Variants in SH3BGRL2 observed in about 807,000 individuals in gnomAD.
SH3BGRL2 encodes SH3 domain binding glutamate rich protein like 2, also known as SH3 domain-binding glutamic acid-rich-like protein 2.
Under a neutral mutation model 14.8 loss-of-function variants are expected in SH3BGRL2, and 21 were observed. That is an observed-to-expected ratio of 1.42 (90% CI 1.01 to 2.05). The LOEUF is 2.05. SH3BGRL2 is among the 30% of genes most tolerant of loss of function. The pLI is 0.00. For missense variants in SH3BGRL2, 147 were observed against 130.8 expected, an observed-to-expected ratio of 1.12 and a Z score of -0.61; for synonymous variants, 50 against 47.8, an observed-to-expected ratio of 1.05 and a Z score of -0.19.
the SH3BGRL2 span, among the ~76,000 whole-genome samples, chr6:79,550,362 A>G: frequency 5.3e-5 from 8 of 152,176 alleles, no homozygotes; most frequent in Non-Finnish European, 1.2e-4. Context: ...ACTGCAATGG[A>G]AAGTTTGACC....
At chr6:79,545,280 G>A in the SH3BGRL2 span, among the ~76,000 whole-genome samples, 2 of 152,128 alleles carry the variant, frequency 1.3e-5, no homozygotes, top group African/African-American at 4.8e-5. Context: ...GATGTCAGAT[G>A]CCCGTACTTC....
chr6:79,546,862 A>G, the SH3BGRL2 span, among the ~76,000 whole-genome samples: 2 of 151,786 alleles, frequency 1.3e-5, no homozygotes, highest in African/African-American at 4.8e-5. Flanking sequence ...TTGTATTTTT[A>G]GTAGAGACGG....
the SH3BGRL2 span, among the ~76,000 whole-genome samples, chr6:79,578,678 C>T: frequency 6.6e-6 from 1 of 152,188 alleles, no homozygotes; most frequent in African/African-American, 2.4e-5. Context: ...GTTGATAAAA[C>T]CACAGAGATG....
chr6:79,569,446 A>G, the SH3BGRL2 span, among the ~76,000 whole-genome samples: 3 of 152,242 alleles, frequency 2.0e-5, no homozygotes, highest in African/African-American at 7.2e-5. Context: ...CCCAAGAGAC[A>G]GCTTTGCAAG....
chr6:79,645,392 T>A (rs954992481), intron 1 of SH3BGRL2, among the ~76,000 whole-genome samples: 9 of 152,188 alleles, frequency 5.9e-5, no homozygotes, highest in Non-Finnish European at 8.8e-5. Context: ...TCTTAAGACA[T>A]CTGAAGATTA....
chr6:79,585,060 A>AG, the SH3BGRL2 span, among the ~76,000 whole-genome samples: 1 of 151,868 alleles, frequency 6.6e-6, no homozygotes, highest in East Asian at 1.9e-4. Context: ...TTTTTAAAAA[A>AG]AAAAATCTAA....
Position 79,663,558 on chromosome 6 carries a change from C to T in SH3BGRL2, c.46-10056C>T, listed in dbSNP as rs558469001. ...GGAAGCGTCGTCCCAGAGGGGCACC[C>T]GCCTGTATGAGGTGTCAGTCGGCCC... is the stretch of plus-strand genomic sequence containing the variant. On this transcript the variant is annotated intron_variant, in intron 1 of 3. Coordinates refer to ENST00000369838, the MANE Select transcript of SH3BGRL2 (RefSeq NM_031469.4). Among the ~76,000 whole-genome samples the T allele has an allele frequency of 7.2e-5, 11 of 152,282 alleles. 1 individual carries two copies. In the South Asian group the frequency reaches 2.3e-3, roughly 32 times the overall value.
At chr6:79,544,490 AT>A in the SH3BGRL2 span, among the ~76,000 whole-genome samples, 3 of 152,232 alleles carry the variant, frequency 2.0e-5, no homozygotes, top group Non-Finnish European at 4.4e-5. Flanking sequence ...GTAGCTCAAA[AT>A]CAACCACGGT....
chr6:79,581,308 A>T, the SH3BGRL2 span, among the ~76,000 whole-genome samples: 1 of 152,226 alleles, frequency 6.6e-6, no homozygotes, highest in Admixed American at 6.5e-5. Flanking sequence ...CATCATCCTG[A>T]TACCAAAGCC....
At chr6:79,656,895 C>CCTGCA (rs1769430188) in intron 1 of SH3BGRL2, among the ~76,000 whole-genome samples, 1 of 152,092 alleles carries the variant, frequency 6.6e-6, no homozygotes, top group Non-Finnish European at 1.5e-5. Flanking sequence ...ACACACTGAA[C>CCTGCA]CTGCAGTAAC....
chr6:79,691,283 G>T (rs1320590701), intron 2 of SH3BGRL2, among the ~76,000 whole-genome samples: 1 of 152,112 alleles, frequency 6.6e-6, no homozygotes, highest in Non-Finnish European at 1.5e-5. Context: ...CAAAGGAAAG[G>T]ATTTAAGCAG....
At chr6:79,593,986 C>T in the SH3BGRL2 span, among the ~76,000 whole-genome samples, 11 of 148,674 alleles carry the variant, frequency 7.4e-5, no homozygotes, top group Non-Finnish European at 1.6e-4. Flanking sequence ...GATAGTGCCA[C>T]TGCACTCCAG....
At chr6:79,580,202 G>T in the SH3BGRL2 span, among the ~76,000 whole-genome samples, 1 of 152,160 alleles carries the variant, frequency 6.6e-6, no homozygotes, top group Non-Finnish European at 1.5e-5. Flanking sequence ...AATAATGGGA[G>T]ACTTTAACAC....
At chr6:79,580,457 G>A in the SH3BGRL2 span, among the ~76,000 whole-genome samples, 2 of 152,164 alleles carry the variant, frequency 1.3e-5, no homozygotes, top group Non-Finnish European at 2.9e-5. Context: ...AGACCACAGA[G>A]CAATCAAAGT....
At chr6:79,599,240 T>C in the SH3BGRL2 span, among the ~76,000 whole-genome samples, 1 of 152,166 alleles carries the variant, frequency 6.6e-6, no homozygotes, top group Non-Finnish European at 1.5e-5. Flanking sequence ...TCTCATCCAC[T>C]TCTTAGGGAA....
intron 3 of SH3BGRL2, among the ~76,000 whole-genome samples, chr6:79,699,199 C>A (rs563719257): frequency 6.6e-6 from 1 of 152,234 alleles, no homozygotes; most frequent in East Asian, 1.9e-4. Flanking sequence ...GCAAGGTAAC[C>A]CCCCACCCAG....
At chr6:79,553,158 C>G in the SH3BGRL2 span, 6 of 152,262 alleles carry the variant, frequency 3.9e-5, no homozygotes, top group Non-Finnish European at 8.8e-5. Flanking sequence ...AAAGAAAACA[C>G]AGGGTGAGTT....
chr6:79,697,833 A>T (rs1481752220), intron 3 of SH3BGRL2, among the ~76,000 whole-genome samples: 1 of 152,210 alleles, frequency 6.6e-6, no homozygotes, highest in Non-Finnish European at 1.5e-5. Flanking sequence ...GAGTAGTCTA[A>T]TGGATACATA....
the SH3BGRL2 span, among the ~76,000 whole-genome samples, chr6:79,622,697 G>T: frequency 6.6e-6 from 1 of 152,172 alleles, no homozygotes; most frequent in Non-Finnish European, 1.5e-5. Flanking sequence ...AATTAAAATT[G>T]TCTGATATCC....
Sources: allele counts gnomAD v4.1 joint callset (sites outside exome capture counted in the v4.1 genomes callset), GRCh38; gene constraint gnomAD v4.1.1; transcripts MANE v1.5; gene names NCBI Gene and HGNC (gene_info 2026-07-23, HGNC 2026-07-21).